POR: variants seen among roughly 807,000 people sequenced by gnomAD.
POR encodes the protein cytochrome p450 oxidoreductase.
A neutral mutation model predicts 84.0 loss-of-function variants in POR; 56 were observed. The observed-to-expected ratio is 0.67, with a 90% CI of 0.54 to 0.83. POR has a LOEUF of 0.83. Among genes scored for constraint, POR ranks in the 40% least tolerant of loss-of-function variants. The pLI is 0.00. For missense variants in POR, 938 were observed against 944.3 expected, an observed-to-expected ratio of 0.99 and a Z score of 0.09; for synonymous variants, 414 against 400.5, an observed-to-expected ratio of 1.03 and a Z score of -0.40.
At chr7:75,917,380 CTTCTTTTT>C (rs1347764064) in intron 1 of POR, among the ~76,000 whole-genome samples, 2 of 125,976 alleles carry the variant, frequency 1.6e-5, no homozygotes, top group Non-Finnish European at 3.1e-5. Context: ...CTTATTTCTT[CTTCTTTTT>C]TTTTTTTTTT....
chr7:75,980,175 GC>G (rs1427861466), intron 4 of POR, among the ~76,000 whole-genome samples, 163 bp from the exon 5 acceptor site: 1 of 152,156 alleles, frequency 6.6e-6, no homozygotes, highest in African/African-American at 2.4e-5. Flanking sequence ...AAATGCCCAT[GC>G]CCCAGCCCCT....
At chr7:75,956,670 G>T (rs999532311) in intron 2 of POR, among the ~76,000 whole-genome samples, 1 of 152,108 alleles carries the variant, frequency 6.6e-6, no homozygotes, top group Non-Finnish European at 1.5e-5. Context: ...TGACGGGCAC[G>T]ATCAGGACCA....
chr7:75,929,074 T>C (rs1406265334), intron 1 of POR, among the ~76,000 whole-genome samples: 3 of 152,178 alleles, frequency 2.0e-5, no homozygotes, highest in Non-Finnish European at 4.4e-5. Context: ...GTAAATGGTA[T>C]AATAATTATG....
Position 75,980,319 on chromosome 7 carries a change from T to A in POR, c.367-20T>A. Reference sequence around the variant, plus strand: ...AGGCTCAGTCATGGCCGGGGCGCGGTCCTGTCCCTGTTTCTGCAGGCCGAC... The same window carrying A: ...AGGCTCAGTCATGGCCGGGGCGCGGACCTGTCCCTGTTTCTGCAGGCCGAC... On this transcript the variant is annotated intron_variant, in intron 4 of 15. Coordinates refer to ENST00000461988, the MANE Select transcript of POR (RefSeq NM_000941.3). 1 of 1,609,604 alleles carries A rather than the reference T, an allele frequency of 6.2e-7. No homozygotes were observed. The highest frequency in any genetic ancestry group is 2.2e-5 in the East Asian group (1 of 44,740).
chr7:75,978,885 C>T (rs1458785526), intron 3 of POR, among the ~76,000 whole-genome samples: 1 of 152,082 alleles, frequency 6.6e-6, no homozygotes, highest in African/African-American at 2.4e-5. Flanking sequence ...CAACCTCCAC[C>T]TCCTGGGTTC....
At chr7:75,916,935 C>T (rs899396653) in intron 1 of POR, among the ~76,000 whole-genome samples, 1 of 152,146 alleles carries the variant, frequency 6.6e-6, no homozygotes, top group Non-Finnish European at 1.5e-5. Flanking sequence ...CCTTGAAAAT[C>T]AGAATCTGTG....
chr7:75,915,623 T>G (rs1158172158), intron 1 of POR: 1 of 152,244 alleles, frequency 6.6e-6, no homozygotes, highest in African/African-American at 2.4e-5. Context: ...TGAGAGGCGC[T>G]CGATGCATGC....
intron 2 of POR, among the ~76,000 whole-genome samples, chr7:75,959,092 GTT>G (rs1398761833): frequency 1.3e-5 from 2 of 152,214 alleles, no homozygotes; most frequent in Non-Finnish European, 2.9e-5. Flanking sequence ...AGAGCAGGAA[GTT>G]GGGTGTAGTG....
At chr7:75,923,533 A>G (rs1426207115) in intron 1 of POR, 2 of 430,176 alleles carry the variant, frequency 4.6e-6, no homozygotes, top group East Asian at 9.4e-5. Flanking sequence ...TTTATCAAGT[A>G]TCTTCAGAGA....
At chr7:75,972,319 C>T in intron 2 of POR, 94 bp from the exon 3 acceptor site, 1 of 1,114,146 alleles carries the variant, frequency 9.0e-7, no homozygotes, top group East Asian at 2.5e-5. Flanking sequence ...CCACAGCATC[C>T]CATGAAACCT....
At chr7:75,986,096 G>A in intron 14 of POR, 28 bp downstream of exon 14, 2 of 1,574,322 alleles carry the variant, frequency 1.3e-6, no homozygotes, top group African/African-American at 1.4e-5. Flanking sequence ...CCACGAAGGT[G>A]GGCATGAGGC....
chr7:75,951,092 A>G (rs1484789692), intron 1 of POR, among the ~76,000 whole-genome samples: 1 of 96,682 alleles, frequency 1.0e-5, no homozygotes, highest in Non-Finnish European at 2.0e-5. Flanking sequence ...AAAAAAAGTC[A>G]TATCAAAAAA....
At chr7:75,984,725 A>C in intron 10 of POR, 52 bp from the exon 11 acceptor site, 1 of 1,539,434 alleles carries the variant, frequency 6.5e-7, no homozygotes, top group South Asian at 1.1e-5. Flanking sequence ...GCAGCCACCC[A>C]TCCCCAGGAG....
At chr7:75,933,449 C>T (rs556888158) in intron 1 of POR, among the ~76,000 whole-genome samples, 14 of 132,522 alleles carry the variant, frequency 1.1e-4, no homozygotes, top group African/African-American at 3.5e-4. Flanking sequence ...AGTGCAATGG[C>T]GCGATCTCGG....
Position 75,985,218 on chromosome 7 carries a change from G to C in POR, c.1398+11G>C, listed in dbSNP as rs782568585. 6.3e-7 allele frequency: 1 copy of C among 1,577,306 alleles called. No individual in the cohort carries two copies. Among genetic ancestry groups the C allele is most frequent in the African/African-American group, 1.3e-5 (1 of 74,560 alleles). On this transcript the variant is annotated intron_variant, in intron 12 of 15. Transcript: ENST00000461988. ...GCCTCATCCTCCAAGGTGAGGGCCG[G>C]CACTGCCCTGCCAGCCACACGCTGG...
chr7:75,965,227 G>C (rs1207864574), intron 2 of POR, among the ~76,000 whole-genome samples: 2 of 152,270 alleles, frequency 1.3e-5, no homozygotes, highest in East Asian at 3.9e-4. Context: ...AGGGCCGCTC[G>C]GCACAGATGG....
intron 5 of POR, chr7:75,980,730 AGG>A: frequency 6.7e-7 from 1 of 1,501,924 alleles, no homozygotes; most frequent in East Asian, 2.5e-5. Flanking sequence ...AAGGCAAGAA[AGG>A]TCTGGCTGGA....
At chr7:75,957,006 G>A (rs901942972) in intron 2 of POR, among the ~76,000 whole-genome samples, 2 of 152,208 alleles carry the variant, frequency 1.3e-5, no homozygotes, top group Non-Finnish European at 2.9e-5. Flanking sequence ...GATTATAGGC[G>A]TGAGCCACCA....
chr7:75,956,487 G>C (rs1787691890), intron 2 of POR, among the ~76,000 whole-genome samples: 1 of 152,192 alleles, frequency 6.6e-6, no homozygotes, highest in Non-Finnish European at 1.5e-5. Flanking sequence ...CCCTGGGCGA[G>C]ACCTTAACCT....
Sources: gnomAD v4.1 joint callset for allele counts (sites outside exome capture counted in the v4.1 genomes callset) on GRCh38, gnomAD v4.1.1 for gene constraint, MANE v1.5 for transcripts, NCBI Gene and HGNC (gene_info 2026-07-23, HGNC 2026-07-21) for gene names.